Variants in AMPH observed in about 807,000 individuals in gnomAD.
AMPH encodes the protein amphiphysin.
Under a neutral mutation model 99.1 loss-of-function variants are expected in AMPH, and 49 were observed. The observed-to-expected ratio is 0.49, with a 90% confidence interval of 0.39 to 0.63. The LOEUF (loss-of-function observed/expected upper bound fraction) is 0.63. AMPH is among the 20% of genes least tolerant of loss of function. The probability of loss-of-function intolerance (pLI) is 0.00; values close to 1 mark genes in which losing one functional copy is unlikely to be tolerated. For synonymous variants in AMPH, 314 were observed against 317.3 expected, an observed-to-expected ratio of 0.99 and a Z score of 0.11; for missense variants, 759 against 863.4, an observed-to-expected ratio of 0.88 and a Z score of 1.52.
chr7:38,444,082 A>G (rs1786660420), intron 11 of AMPH, among the ~76,000 whole-genome samples: 1 of 152,246 alleles, frequency 6.6e-6, no homozygotes, highest in South Asian at 2.1e-4. Flanking sequence ...AACATGATTT[A>G]TAATAACAAT....
chr7:38,481,933 C>A (rs563295028), intron 5 of AMPH, among the ~76,000 whole-genome samples: 1 of 152,128 alleles, frequency 6.6e-6, no homozygotes, highest in Non-Finnish European at 1.5e-5. Context: ...TCACTCAACA[C>A]TATTTTTATA....
At chr7:38,442,833 G>A (rs1204843538) in intron 11 of AMPH, among the ~76,000 whole-genome samples, 1 of 151,352 alleles carries the variant, frequency 6.6e-6, no homozygotes, top group Non-Finnish European at 1.5e-5. Context: ...AGTAGAAACT[G>A]GAAATTATAC....
At chr7:38,465,412 T>A (rs1278774149) in intron 9 of AMPH, 55 bp downstream of exon 9, 2 of 1,470,260 alleles carry the variant, frequency 1.4e-6, no homozygotes, top group Non-Finnish European at 1.9e-6. Flanking sequence ...GTCCACAGAT[T>A]GAAGAAATTT....
intron 17 of AMPH, among the ~76,000 whole-genome samples, chr7:38,406,204 A>G (rs2110653): frequency 0.47 from 72,117 of 151,940 alleles, 17,374 homozygotes; most frequent in East Asian, 0.57. Context: ...CTTCTGGGAT[A>G]CAGCAACAGC....
At chr7:38,457,230 C>G (rs577116410) in intron 11 of AMPH, among the ~76,000 whole-genome samples, 8 of 151,918 alleles carry the variant, frequency 5.3e-5, no homozygotes, top group Admixed American at 5.2e-4. Context: ...ATGACACTTC[C>G]AAAGAAACAA....
intron 1 of AMPH, among the ~76,000 whole-genome samples, chr7:38,573,222 C>T (rs1393965564): frequency 1.3e-5 from 2 of 152,184 alleles, no homozygotes; most frequent in Admixed American, 6.5e-5. Flanking sequence ...TCACACTCTC[C>T]ATCATGGCCA....
chr7:38,595,670 C>G (rs62444240), intron 1 of AMPH, among the ~76,000 whole-genome samples: 22,224 of 152,120 alleles, frequency 0.15, 1,925 homozygotes, highest in Non-Finnish European at 0.2. Context: ...GTACCCATCA[C>G]CCAGGTAGTG....
At chr7:38,549,201 T>C (rs555130936) in intron 1 of AMPH, among the ~76,000 whole-genome samples, 16 of 152,344 alleles carry the variant, frequency 1.1e-4, no homozygotes, top group African/African-American at 3.4e-4. Flanking sequence ...CAGAAGTTGT[T>C]TTCCCCTTTT....
chr7:38,519,708 G>T (rs1423444279), intron 2 of AMPH, among the ~76,000 whole-genome samples: 1 of 152,188 alleles, frequency 6.6e-6, no homozygotes, highest in Non-Finnish European at 1.5e-5. Flanking sequence ...CCAAAACTTT[G>T]CTCTAGTCTC....
chr7:38,558,273 C>T (rs1791435479), intron 1 of AMPH, among the ~76,000 whole-genome samples: 1 of 152,160 alleles, frequency 6.6e-6, no homozygotes, highest in East Asian at 1.9e-4. Context: ...AGCTCAAGGG[C>T]AATGCACTGA....
At chr7:38,388,808 T>C (rs1784414261) in intron 20 of AMPH, among the ~76,000 whole-genome samples, 1 of 150,902 alleles carries the variant, frequency 6.6e-6, no homozygotes, top group Admixed American at 6.6e-5. Context: ...CCCAGCTAAT[T>C]AAAAAAAAAA....
Position 38,384,598 on chromosome 7 carries a change from T to C in AMPH, c.*220A>G. ...AGCTTGGACAAAGCACAAACAAACC[T>C]GTTATTGACAACATGGGAATGAGTG... On this transcript the variant is annotated 3_prime_UTR_variant, in exon 21 of 21. Coordinates refer to ENST00000356264, the MANE Select transcript of AMPH (RefSeq NM_001635.4). 1 of 458,016 alleles carries C rather than the reference T, an allele frequency of 2.2e-6. No homozygotes were observed. Among genetic ancestry groups the C allele is most frequent in the Non-Finnish European group, 4.0e-6 (1 of 249,746 alleles). The allele number at this position is 458,016 out of a possible 1,614,324, so 28.4% of individuals were successfully genotyped here.
intron 11 of AMPH, among the ~76,000 whole-genome samples, chr7:38,442,509 A>G (rs1052880779): frequency 6.6e-6 from 1 of 152,212 alleles, no homozygotes; most frequent in Non-Finnish European, 1.5e-5. Context: ...ATTAAATTGG[A>G]AATTGTTAAC....
intron 16 of AMPH, 144 bp downstream of exon 16, chr7:38,422,277 C>G: frequency 2.9e-6 from 2 of 681,018 alleles, no homozygotes; most frequent in South Asian, 3.9e-5. Flanking sequence ...TTTACAGACA[C>G]ATTCTCTCCT....
chr7:38,421,441 T>C (rs1156809936), intron 16 of AMPH, among the ~76,000 whole-genome samples: 3 of 152,348 alleles, frequency 2.0e-5, no homozygotes, highest in Non-Finnish European at 4.4e-5. Flanking sequence ...ATTTGAAACA[T>C]TTAAATATTT....
chr7:38,457,455 CAG>C (rs1368796813), intron 11 of AMPH, among the ~76,000 whole-genome samples: 3 of 152,168 alleles, frequency 2.0e-5, no homozygotes, highest in Admixed American at 6.5e-5. Context: ...CTAGATCAAA[CAG>C]ATGAAAGCAT....
chr7:38,627,519 G>T (rs1007891507), intron 1 of AMPH, among the ~76,000 whole-genome samples: 1 of 151,892 alleles, frequency 6.6e-6, no homozygotes, highest in East Asian at 1.9e-4. Flanking sequence ...GCCAAGCGTG[G>T]TGGTGGGCAC....
intron 1 of AMPH, among the ~76,000 whole-genome samples, chr7:38,563,127 A>G (rs1425310989): frequency 2.2e-5 from 3 of 137,944 alleles, no homozygotes; most frequent in Non-Finnish European, 3.1e-5. Context: ...CTTGTTAAGC[A>G]CTGAATGATG....
intron 1 of AMPH, among the ~76,000 whole-genome samples, chr7:38,557,229 A>G (rs995079814): frequency 6.6e-6 from 1 of 152,214 alleles, no homozygotes; most frequent in African/African-American, 2.4e-5. Context: ...ACGTGATTAC[A>G]TGAAAGTGAC....
Sources: gnomAD v4.1 joint callset for allele counts (sites outside exome capture counted in the v4.1 genomes callset) on GRCh38, gnomAD v4.1.1 for gene constraint, MANE v1.5 for transcripts, NCBI Gene and HGNC (gene_info 2026-07-23, HGNC 2026-07-21) for gene names.